Variants in GADL1 observed in about 807,000 individuals in gnomAD.
The protein encoded by GADL1 is GAD like acidic amino acid decarboxylase 1.
In GADL1, 71 loss-of-function variants were observed where a neutral mutation model predicts 69.5. The ratio of observed to expected loss-of-function variants is 1.02; its 90% confidence interval spans 0.84 to 1.25. The LOEUF is 1.25. Ranked by LOEUF, GADL1 falls within the 50% of genes most tolerant of loss-of-function variation. GADL1 has a pLI of 0.00. For missense variants in GADL1, 737 were observed against 631.8 expected (o/e 1.17, Z -1.79); for synonymous variants, 254 against 214.4 (o/e 1.18, Z -1.62).
intron 11 of GADL1, among the ~76,000 whole-genome samples, chr3:30,830,737 T>C (rs1697773688): frequency 6.6e-6 from 1 of 152,010 alleles, no homozygotes; most frequent in African/African-American, 2.4e-5. Flanking sequence ...AGACTTCTTT[T>C]CTTAGATTTG....
chr3:30,874,096 G>C (rs1053166924), intron 1 of GADL1, among the ~76,000 whole-genome samples: 1 of 151,940 alleles, frequency 6.6e-6, no homozygotes, highest in African/African-American at 2.4e-5. Context: ...GCTGAGTAGG[G>C]TTTGCAAATC....
intron 11 of GADL1, among the ~76,000 whole-genome samples, chr3:30,824,201 GAAA>G (rs527355795): frequency 1.3e-5 from 2 of 150,478 alleles, no homozygotes; most frequent in African/African-American, 4.9e-5. Flanking sequence ...GAAGCCAGAG[GAAA>G]AAAAGTCATT....
intron 14 of GADL1, among the ~76,000 whole-genome samples, chr3:30,754,066 A>G (rs1205763740): frequency 3.3e-5 from 5 of 152,208 alleles, no homozygotes. Context: ...CAAATAGTAA[A>G]CTAAATTAGT....
intron 14 of GADL1, among the ~76,000 whole-genome samples, chr3:30,776,930 G>A (rs73061076): frequency 0.059 from 9,013 of 152,104 alleles, 503 homozygotes; most frequent in South Asian, 0.2. Flanking sequence ...CTTTAAAATT[G>A]TCCCCTGACT....
chr3:30,745,741 T>C (rs1219451278), intron 14 of GADL1, among the ~76,000 whole-genome samples: 1 of 118,880 alleles, frequency 8.4e-6, no homozygotes, highest in Non-Finnish European at 1.7e-5. Context: ...TGACAATTGT[T>C]GAGATACCTG....
intron 14 of GADL1, among the ~76,000 whole-genome samples, chr3:30,763,200 C>T (rs1475950339): frequency 6.6e-6 from 1 of 152,128 alleles, no homozygotes; most frequent in Non-Finnish European, 1.5e-5. Flanking sequence ...ATGATCCCAT[C>T]ATAAATTGAA....
intron 11 of GADL1, among the ~76,000 whole-genome samples, chr3:30,825,152 T>C (rs1697662076): frequency 6.6e-6 from 1 of 151,958 alleles, no homozygotes; most frequent in Admixed American, 6.6e-5. Context: ...CAGTTTCACA[T>C]CTTGGAAGCA....
intron 11 of GADL1, among the ~76,000 whole-genome samples, chr3:30,804,879 CT>C (rs965059791): frequency 6.6e-6 from 1 of 152,200 alleles, no homozygotes. Flanking sequence ...TTATATGAAC[CT>C]TTTTGTGACC....
At chr3:30,828,996 A>T (rs1188648343) in intron 11 of GADL1, among the ~76,000 whole-genome samples, 1 of 151,878 alleles carries the variant, frequency 6.6e-6, no homozygotes. Flanking sequence ...AGTTTTTTTT[A>T]AACTAAAAAA....
intron 12 of GADL1, among the ~76,000 whole-genome samples, 159 bp from the exon 13 acceptor site, chr3:30,786,565 A>G (rs1359565893): frequency 2.0e-5 from 3 of 152,194 alleles, no homozygotes; most frequent in African/African-American, 7.2e-5. Flanking sequence ...AATACTCCAG[A>G]CCTACTGTAA....
At position 30,826,591 on chromosome 3, in the gene GADL1, C is replaced by T. The variant is rs562230134; in HGVS notation, c.1050+7262G>A. 2.0e-5 allele frequency among the ~76,000 whole-genome samples: 3 copies of T among 151,916 alleles called. No homozygotes were observed. The South Asian group carries it at 6.2e-4, about 31-fold the overall frequency. ...GCCACCCAAGAGTTTTGAAGGAACT[C>T]AAGGATGAAATTGGGAGACCGTTGG... On this transcript the variant is annotated intron_variant, in intron 11 of 14. Transcript: ENST00000282538.
At chr3:30,814,049 A>G (rs566072043) in intron 11 of GADL1, among the ~76,000 whole-genome samples, 129 of 152,352 alleles carry the variant, frequency 8.5e-4, no homozygotes, top group African/African-American at 3.1e-3. Context: ...AATTACATTT[A>G]TCGTGTGCTT....
chr3:30,787,180 A>G (rs1696812355), intron 12 of GADL1, among the ~76,000 whole-genome samples: 1 of 151,926 alleles, frequency 6.6e-6, no homozygotes, highest in Admixed American at 6.6e-5. Flanking sequence ...ATGTACCCCA[A>G]AACTTAAAAA....
At chr3:30,769,811 G>A (rs1271376342) in intron 14 of GADL1, among the ~76,000 whole-genome samples, 1 of 152,176 alleles carries the variant, frequency 6.6e-6, no homozygotes, top group African/African-American at 2.4e-5. Context: ...GAGAGCTCAA[G>A]CATCCCTCAG....
At chr3:30,802,485 T>C (rs1184368858) in intron 11 of GADL1, among the ~76,000 whole-genome samples, 1 of 152,186 alleles carries the variant, frequency 6.6e-6, no homozygotes, top group Non-Finnish European at 1.5e-5. Flanking sequence ...TACAGGAAGC[T>C]ACAAAAAAGC....
chr3:30,888,275 A>G (rs1698735665), intron 1 of GADL1, among the ~76,000 whole-genome samples: 1 of 152,130 alleles, frequency 6.6e-6, no homozygotes, highest in Non-Finnish European at 1.5e-5. Context: ...CACATAGAAG[A>G]GCCTTCTTAG....
At chr3:30,864,902 CT>C (rs1346834394) in intron 1 of GADL1, among the ~76,000 whole-genome samples, 1 of 151,988 alleles carries the variant, frequency 6.6e-6, no homozygotes, top group African/African-American at 2.4e-5. Context: ...GCCCTTTCCC[CT>C]CATTTTCTGT....
At chr3:30,816,928 C>T (rs1007527647) in intron 11 of GADL1, among the ~76,000 whole-genome samples, 24 of 152,048 alleles carry the variant, frequency 1.6e-4, no homozygotes, top group African/African-American at 5.3e-4. Context: ...TGAAGAGTAC[C>T]TATTCCTGTC....
At chr3:30,743,531 G>A (rs1217787302) in intron 14 of GADL1, among the ~76,000 whole-genome samples, 4 of 152,116 alleles carry the variant, frequency 2.6e-5, no homozygotes, top group Non-Finnish European at 5.9e-5. Context: ...ACACACGTAT[G>A]GAAGACAAGG....
Sources: allele counts gnomAD v4.1 joint callset (sites outside exome capture counted in the v4.1 genomes callset), GRCh38; gene constraint gnomAD v4.1.1; transcripts MANE v1.5; gene names NCBI Gene and HGNC (gene_info 2026-07-23, HGNC 2026-07-21).